The following SEMA3D variants were observed in gnomAD, a reference collection of about 807,000 sequenced individuals.
SEMA3D encodes the protein semaphorin 3D, also known as semaphorin-3D.
A neutral mutation model predicts 100.1 loss-of-function variants in SEMA3D; 84 were observed. The observed-to-expected ratio is 0.84, with a 90% CI of 0.70 to 1.01. The LOEUF is 1.01. SEMA3D is among the 50% of genes least tolerant of loss of function. The pLI is 0.00. For missense variants in SEMA3D, 875 were observed against 934.1 expected (o/e 0.94, Z 0.82); for synonymous variants, 312 against 320.7 (o/e 0.97, Z 0.29).
chr7:85,240,261 A>AT, the SEMA3D span, among the ~76,000 whole-genome samples: 1 of 151,470 alleles, frequency 6.6e-6, no homozygotes, highest in Non-Finnish European at 1.5e-5. Context: ...TGATCATACG[A>AT]TTTTTTTTCT....
intron 8 of SEMA3D, among the ~76,000 whole-genome samples, chr7:85,062,074 A>C (rs1423459199): frequency 6.6e-6 from 1 of 152,210 alleles, no homozygotes; most frequent in Non-Finnish European, 1.5e-5. Flanking sequence ...TGAGCCGATG[A>C]ACTGTATTAT....
chr7:85,047,676 G>A (rs73377852), intron 9 of SEMA3D, among the ~76,000 whole-genome samples: 2,657 of 151,824 alleles, frequency 0.018, 86 homozygotes, highest in African/African-American at 0.061. Context: ...CAAGTATTTT[G>A]TTAAGCTACT....
chr7:85,172,387 T>G (rs1791108830), intron 1 of SEMA3D, among the ~76,000 whole-genome samples: 1 of 151,950 alleles, frequency 6.6e-6, no homozygotes, highest in Admixed American at 6.6e-5. Context: ...CATAAAATAA[T>G]CAGAACATTA....
intron 9 of SEMA3D, among the ~76,000 whole-genome samples, chr7:85,046,480 T>C (rs1791011891): frequency 6.6e-6 from 1 of 151,610 alleles, no homozygotes; most frequent in South Asian, 2.1e-4. Flanking sequence ...AATAAAAAGA[T>C]AAAAAACCAA....
At chr7:85,164,121 T>TA (rs1790825890) in intron 1 of SEMA3D, among the ~76,000 whole-genome samples, 1 of 152,240 alleles carries the variant, frequency 6.6e-6, no homozygotes, top group Admixed American at 6.6e-5. Context: ...CTTCAGGTCT[T>TA]ACAGTCAGTC....
chr7:85,237,885 C>T, the SEMA3D span, among the ~76,000 whole-genome samples: 1 of 152,262 alleles, frequency 6.6e-6, no homozygotes, highest in African/African-American at 2.4e-5. Context: ...ATTCTCATCC[C>T]CAATGAATGA....
At chr7:85,181,347 C>CACACACACACACACACAA (rs1554352319) in intron 1 of SEMA3D, among the ~76,000 whole-genome samples, 6 of 146,130 alleles carry the variant, frequency 4.1e-5, no homozygotes, top group African/African-American at 1.3e-4. Context: ...CACACACACA[C>CACACACACACACACACAA]ACACACACAC....
chr7:85,051,941 A>G (rs1200966853), intron 9 of SEMA3D, among the ~76,000 whole-genome samples: 1 of 151,946 alleles, frequency 6.6e-6, no homozygotes. Context: ...GAGTCATGCC[A>G]GTCATATTTG....
the SEMA3D span, among the ~76,000 whole-genome samples, chr7:85,236,303 T>TTATGTATG: frequency 4.7e-5 from 7 of 148,918 alleles, no homozygotes; most frequent in African/African-American, 1.7e-4. Flanking sequence ...ATTTATTTAT[T>TTATGTATG]TATTTATTTA....
At chr7:85,129,061 T>G (rs1342887433) in intron 2 of SEMA3D, among the ~76,000 whole-genome samples, 1 of 151,860 alleles carries the variant, frequency 6.6e-6, no homozygotes, top group South Asian at 2.1e-4. Flanking sequence ...CAGCTAATTT[T>G]TTTTTGTAGA....
At chr7:85,004,843 A>G (rs150007762) in intron 18 of SEMA3D, among the ~76,000 whole-genome samples, 251 of 152,202 alleles carry the variant, frequency 1.6e-3, no homozygotes, top group Middle Eastern at 3.4e-3. Flanking sequence ...TGAAAATACC[A>G]GTTGAAATAT....
At chr7:85,113,555 G>A (rs1020829393) in intron 3 of SEMA3D, among the ~76,000 whole-genome samples, 1 of 150,460 alleles carries the variant, frequency 6.6e-6, no homozygotes, top group East Asian at 2.0e-4. Flanking sequence ...GGCAGATCAC[G>A]AGATCAAGAG....
chr7:85,199,281 A>G, the SEMA3D span, among the ~76,000 whole-genome samples: 12 of 151,812 alleles, frequency 7.9e-5, no homozygotes, highest in Non-Finnish European at 1.3e-4. Context: ...TATTTGCATA[A>G]GATTATGTTG....
the SEMA3D span, among the ~76,000 whole-genome samples, chr7:85,211,878 A>G: frequency 6.6e-6 from 1 of 152,152 alleles, no homozygotes; most frequent in East Asian, 1.9e-4. Flanking sequence ...ATTTTATTAT[A>G]GGAATATAGT....
chr7:85,167,275 A>G (rs1044891851), intron 1 of SEMA3D: 26 of 984,952 alleles, frequency 2.6e-5, no homozygotes, highest in Non-Finnish European at 2.9e-5. Flanking sequence ...CTGGTTAAAT[A>G]GAGAAGTGAG....
chr7:85,098,074 GAA>G, intron 3 of SEMA3D, 109 bp from the exon 4 acceptor site: 1 of 558,526 alleles, frequency 1.8e-6, no homozygotes, highest in Non-Finnish European at 2.8e-6. Flanking sequence ...GAAAAGGAAA[GAA>G]AAAGAAAGAA....
At chr7:85,166,775 TAAAGA>T (rs1226320256) in intron 1 of SEMA3D, among the ~76,000 whole-genome samples, 1 of 151,180 alleles carries the variant, frequency 6.6e-6, no homozygotes, top group Non-Finnish European at 1.5e-5. Context: ...CTGATAAAAA[TAAAGA>T]AAAGAGGTTC....
chr7:85,095,012 A>T (rs191554974), intron 4 of SEMA3D, among the ~76,000 whole-genome samples: 1 of 152,116 alleles, frequency 6.6e-6, no homozygotes, highest in East Asian at 1.9e-4. Context: ...CAAAGAAATA[A>T]AAAACAACTC....
chr7:85,169,969 A>G (rs1791042052), intron 1 of SEMA3D, among the ~76,000 whole-genome samples: 1 of 151,740 alleles, frequency 6.6e-6, no homozygotes, highest in Non-Finnish European at 1.5e-5. Context: ...AAAATAAAAA[A>G]AAGTTCATTA....
Sources: gnomAD v4.1 joint callset for allele counts (sites outside exome capture counted in the v4.1 genomes callset) on GRCh38, gnomAD v4.1.1 for gene constraint, MANE v1.5 for transcripts, NCBI Gene and HGNC (gene_info 2026-07-23, HGNC 2026-07-21) for gene names.